The following RIT2 variants were observed in gnomAD, a reference collection of about 807,000 sequenced individuals.
The protein encoded by RIT2 is GTP-binding protein Rit2.
RIT2 carries 24 observed loss-of-function variants against 23.7 expected under a neutral mutation model. That is an observed-to-expected ratio of 1.01 (90% CI 0.73 to 1.43). RIT2 has a LOEUF of 1.43. RIT2 is among the 40% of genes most tolerant of loss of function. The pLI is 0.00. For missense variants in RIT2, 236 were observed against 266.9 expected, an observed-to-expected ratio of 0.88 and a Z score of 0.81; for synonymous variants, 107 against 91.1, an observed-to-expected ratio of 1.17 and a Z score of -0.99.
intron 3 of RIT2, among the ~76,000 whole-genome samples, chr18:42,927,981 C>G (rs1444625465): frequency 6.6e-6 from 1 of 151,934 alleles, no homozygotes; most frequent in Admixed American, 6.6e-5. Context: ...AGTAGCAGTA[C>G]TACAAAGATA....
chr18:42,823,597 G>A (rs4390677), intron 4 of RIT2, among the ~76,000 whole-genome samples: 6,583 of 152,188 alleles, frequency 0.043, 216 homozygotes, highest in Non-Finnish European at 0.068. Flanking sequence ...TGTGCCTGTG[G>A]CTGGCAATTT....
chr18:43,038,422 T>G (rs1017035875), intron 1 of RIT2, among the ~76,000 whole-genome samples: 1 of 151,672 alleles, frequency 6.6e-6, no homozygotes, highest in Non-Finnish European at 1.5e-5. Flanking sequence ...TTCTCTGACT[T>G]TTTAGACCTT....
At chr18:42,952,723 T>TTTTTGAAA (rs1909881770) in intron 3 of RIT2, among the ~76,000 whole-genome samples, 1 of 151,982 alleles carries the variant, frequency 6.6e-6, no homozygotes, top group Non-Finnish European at 1.5e-5. Flanking sequence ...TCTTCCAATT[T>TTTTTGAAA]TATGAAATAA....
chr18:42,968,982 T>C (rs1010904579), intron 3 of RIT2, among the ~76,000 whole-genome samples: 1 of 152,192 alleles, frequency 6.6e-6, no homozygotes, highest in African/African-American at 2.4e-5. Flanking sequence ...ATTGGGAATG[T>C]TCTTAAAGCC....
intron 4 of RIT2, among the ~76,000 whole-genome samples, chr18:42,787,228 T>C (rs1913942937): frequency 6.8e-6 from 1 of 146,774 alleles, no homozygotes; most frequent in Admixed American, 7.0e-5. Flanking sequence ...GAACATGCGG[T>C]GTTTGGTTTT....
At chr18:42,785,902 AC>A (rs1425659760) in intron 4 of RIT2, among the ~76,000 whole-genome samples, 15 of 152,278 alleles carry the variant, frequency 9.9e-5, no homozygotes, top group African/African-American at 3.6e-4. Flanking sequence ...GAATCTGTAC[AC>A]AGTTTATCCT....
At chr18:43,058,633 T>A (rs1188001087) in intron 1 of RIT2, among the ~76,000 whole-genome samples, 1 of 152,100 alleles carries the variant, frequency 6.6e-6, no homozygotes, top group Non-Finnish European at 1.5e-5. Context: ...ATGCCTGTAA[T>A]TCCAGCACTT....
chr18:42,905,599 A>G (rs1908591028), intron 4 of RIT2, among the ~76,000 whole-genome samples: 1 of 152,134 alleles, frequency 6.6e-6, no homozygotes, highest in African/African-American at 2.4e-5. Context: ...CAGTCTCCCA[A>G]GTAGCTGGGA....
chr18:43,107,068 C>A (rs1157579676), intron 1 of RIT2, among the ~76,000 whole-genome samples: 2 of 152,158 alleles, frequency 1.3e-5, no homozygotes, highest in Admixed American at 6.5e-5. Flanking sequence ...GCAATCCCAC[C>A]ACACTGCAAA....
At chr18:43,012,650 T>G (rs187044978) in intron 2 of RIT2, among the ~76,000 whole-genome samples, 100 of 151,716 alleles carry the variant, frequency 6.6e-4, no homozygotes, top group African/African-American at 2.1e-3. Flanking sequence ...ATGTATTATA[T>G]GTTATTTTAT....
chr18:42,789,838 G>A (rs1049333858), intron 4 of RIT2, among the ~76,000 whole-genome samples: 1 of 152,090 alleles, frequency 6.6e-6, no homozygotes, highest in Non-Finnish European at 1.5e-5. Context: ...GATTGCTCTG[G>A]CTAGGACTTC....
chr18:42,961,813 G>T (rs1298007709), intron 3 of RIT2, among the ~76,000 whole-genome samples: 24 of 152,118 alleles, frequency 1.6e-4, no homozygotes, highest in Admixed American at 1.6e-3. Context: ...GGAGTCATCT[G>T]GCATTCTAAC....
At chr18:42,859,169 C>T (rs1375806085) in intron 4 of RIT2, among the ~76,000 whole-genome samples, 1 of 152,182 alleles carries the variant, frequency 6.6e-6, no homozygotes, top group Non-Finnish European at 1.5e-5. Flanking sequence ...TAAAATCTCA[C>T]CAGCAATGTG....
At chr18:42,907,750 G>A (rs1022387617) in intron 4 of RIT2, among the ~76,000 whole-genome samples, 3 of 111,072 alleles carry the variant, frequency 2.7e-5, no homozygotes, top group African/African-American at 5.0e-5. Context: ...GGAGGCCAAG[G>A]CAGGAGGATT....
intron 1 of RIT2, among the ~76,000 whole-genome samples, chr18:43,079,793 A>G (rs188628068): frequency 1.3e-4 from 20 of 152,338 alleles, no homozygotes; most frequent in Non-Finnish European, 2.4e-4. Context: ...TCGGTCAGTG[A>G]AGTTCGTCAT....
chr18:42,856,815 T>C (rs937509030), intron 4 of RIT2, among the ~76,000 whole-genome samples: 4 of 146,702 alleles, frequency 2.7e-5, no homozygotes, highest in Admixed American at 6.8e-5. Flanking sequence ...TCTTTTTCTT[T>C]TCTCTCTCTC....
At chr18:43,014,214 A>G (rs994678610) in intron 2 of RIT2, among the ~76,000 whole-genome samples, 1 of 151,824 alleles carries the variant, frequency 6.6e-6, no homozygotes, top group African/African-American at 2.4e-5. Flanking sequence ...GTAGAGGTAG[A>G]ACAAGGCATA....
At chr18:42,880,824 T>TTTG (rs1907872092) in intron 4 of RIT2, among the ~76,000 whole-genome samples, 2 of 149,820 alleles carry the variant, frequency 1.3e-5, no homozygotes, top group African/African-American at 2.5e-5. Context: ...TTTTTTTTTT[T>TTTG]GAGACAGAAT....
chr18:42,851,098 T>C (rs1206817863), intron 4 of RIT2, among the ~76,000 whole-genome samples: 1 of 152,208 alleles, frequency 6.6e-6, no homozygotes, highest in East Asian at 1.9e-4. Flanking sequence ...TGACCAAACT[T>C]TACCTAATCT....
Sources: gnomAD v4.1 joint callset for allele counts (sites outside exome capture counted in the v4.1 genomes callset) on GRCh38, gnomAD v4.1.1 for gene constraint, MANE v1.5 for transcripts, NCBI Gene and HGNC (gene_info 2026-07-23, HGNC 2026-07-21) for gene names.